The following NIPA1 variants were observed in gnomAD, a reference collection of about 807,000 sequenced individuals.
NIPA1 encodes the protein magnesium transporter NIPA1.
In NIPA1, 13 loss-of-function variants were observed where a neutral mutation model predicts 23.9. The ratio of observed to expected loss-of-function variants is 0.54; its 90% CI spans 0.35 to 0.87. The LOEUF (loss-of-function observed/expected upper bound fraction) is 0.87, where lower values mean the gene tolerates loss of function less well. Among genes scored for constraint, NIPA1 ranks in the 40% least tolerant of loss-of-function variants. The probability of loss-of-function intolerance (pLI) is 0.01; values close to 1 mark genes in which losing one functional copy is unlikely to be tolerated. For missense variants in NIPA1, 362 were observed against 429.7 expected (o/e 0.84, Z 1.39); for synonymous variants, 234 against 202.9 (o/e 1.15, Z -1.30).
Position 22,825,800 on chromosome 15 carries a change from A to T in NIPA1, c.*1561A>T, listed in dbSNP as rs1341604845. On this transcript the variant is annotated 3_prime_UTR_variant, in exon 5 of 5. Coordinates refer to ENST00000337435, the MANE Select transcript of NIPA1 (RefSeq NM_144599.5). Reference sequence around the variant, plus strand: ...AGAGCATCCTAGAGTTCCTCAGCTAACCTCTCATTATGTGTCTTAAATGCA... The same window carrying T: ...AGAGCATCCTAGAGTTCCTCAGCTATCCTCTCATTATGTGTCTTAAATGCA... 1 of 152,574 alleles carries T rather than the reference A, an allele frequency of 6.6e-6. No individual in the cohort carries two copies. The highest frequency in any genetic ancestry group is 1.5e-5 in the Non-Finnish European group (1 of 68,010). 9.5% of individuals were successfully genotyped at this position (152,574 alleles called of 1,614,324 possible). A position where few individuals can be genotyped will look rare whatever the true frequency, so the allele number is the denominator to read the frequency against.
At chr15:22,804,381 A>G (rs1363712490) in intron 1 of NIPA1, among the ~76,000 whole-genome samples, 4 of 152,084 alleles carry the variant, frequency 2.6e-5, no homozygotes, top group Non-Finnish European at 4.4e-5. Context: ...CCGGCCTCCT[A>G]AAGTGCTAGG....
intron 4 of NIPA1, among the ~76,000 whole-genome samples, chr15:22,822,923 T>G (rs12900199): frequency 0.025 from 1,754 of 70,832 alleles, 8 homozygotes; most frequent in South Asian, 0.058. Context: ...TTTTTTTTTT[T>G]TTTTTTTTTT....
intron 1 of NIPA1, among the ~76,000 whole-genome samples, chr15:22,805,848 A>T (rs1895195057): frequency 6.6e-6 from 1 of 152,188 alleles, no homozygotes; most frequent in Non-Finnish European, 1.5e-5. Context: ...TTGTGGAATA[A>T]TTAGAAGGTA....
At chr15:22,823,195 G>A (rs1895577483) in intron 4 of NIPA1, among the ~76,000 whole-genome samples, 1 of 147,862 alleles carries the variant, frequency 6.8e-6, no homozygotes, top group African/African-American at 2.5e-5. Flanking sequence ...ACAGGTGTGA[G>A]CCATTGTGCC....
rs1033859219 is a variant in NIPA1, at chr15:22,820,441, A to G, written c.446A>G (p.Gln149Arg). 10 of 1,613,316 alleles carry G rather than the reference A, an allele frequency of 6.2e-6. No individual in the cohort carries two copies. The highest frequency in any genetic ancestry group is 2.7e-5 in the African/African-American group (2 of 74,920). The change falls in exon 4 of 5, where the codon CAG (glutamine) becomes CGG (arginine). Residue 149 changes from glutamine to arginine, a missense_variant. Around this residue, in one of 2 missense-constraint regions of NIPA1, gnomAD observed 277 missense variants for 372.0 expected, o/e 0.74. Coordinates refer to ENST00000337435, the MANE Select transcript of NIPA1 (RefSeq NM_144599.5). ...HSPKSESVTT[Q>R]AELEEKLTNP... ...CCAAAGTCTGAGAGTGTGACAACTCAGGCTGAGCTGGAGGAAAAGCTGACC... is the reference window on the plus strand; with the variant it reads ...CCAAAGTCTGAGAGTGTGACAACTCGGGCTGAGCTGGAGGAAAAGCTGACC...
At chr15:22,811,832 G>T (rs1285475644) in intron 2 of NIPA1, among the ~76,000 whole-genome samples, 2 of 152,188 alleles carry the variant, frequency 1.3e-5, no homozygotes, top group African/African-American at 4.8e-5. Flanking sequence ...ACTAGAGGGT[G>T]CACAGGAAGT....
chr15:22,793,361 A>AAAAG (rs1439774097), intron 1 of NIPA1, among the ~76,000 whole-genome samples: 1 of 149,810 alleles, frequency 6.7e-6, no homozygotes, highest in Non-Finnish European at 1.5e-5. Context: ...GTGTCTCAAA[A>AAAAG]AAAAAAAAAA....
intron 4 of NIPA1, among the ~76,000 whole-genome samples, chr15:22,822,898 G>A (rs538638080): frequency 1.4e-5 from 2 of 147,212 alleles, no homozygotes; most frequent in Non-Finnish European, 3.0e-5. Context: ...ACATTTAGGA[G>A]CTGTAAATGG....
intron 1 of NIPA1, among the ~76,000 whole-genome samples, chr15:22,810,417 T>C (rs768833971): frequency 3.9e-5 from 6 of 152,166 alleles, no homozygotes; most frequent in Non-Finnish European, 1.5e-5. Context: ...CTTTAAAGAC[T>C]CAAACCCTTT....
chr15:22,817,372 G>A (rs2140872869), intron 3 of NIPA1, among the ~76,000 whole-genome samples: 1 of 151,254 alleles, frequency 6.6e-6, no homozygotes, highest in South Asian at 2.1e-4. Context: ...GGTGGCGCAT[G>A]CCTGTAATCC....
At chr15:22,793,913 T>C (rs1894887325) in intron 1 of NIPA1, among the ~76,000 whole-genome samples, 1 of 152,182 alleles carries the variant, frequency 6.6e-6, no homozygotes, top group African/African-American at 2.4e-5. Context: ...CTTTATTCTG[T>C]CCCATTGGTC....
chr15:22,788,296 T>C (rs1319559452), intron 1 of NIPA1, among the ~76,000 whole-genome samples: 1 of 148,200 alleles, frequency 6.7e-6, no homozygotes, highest in Non-Finnish European at 1.5e-5. Flanking sequence ...GGTCAGGAGA[T>C]CTAGACCATC....
intron 4 of NIPA1, among the ~76,000 whole-genome samples, chr15:22,823,160 C>G (rs1595647604): frequency 6.6e-6 from 1 of 151,224 alleles, no homozygotes; most frequent in Non-Finnish European, 1.5e-5. Context: ...ATCGGCCCAC[C>G]TCGGCCTCCC....
intron 3 of NIPA1, chr15:22,814,113 G>T: frequency 7.8e-7 from 1 of 1,274,604 alleles, no homozygotes; most frequent in Non-Finnish European, 1.0e-6. Flanking sequence ...CATGTCAGAT[G>T]GTGTTCTGGA....
At position 22,823,858 on chromosome 15, in the gene NIPA1, G is replaced by T; in HGVS notation, c.609G>T (p.Val203=). 1 of 1,614,130 alleles carries T rather than the reference G, an allele frequency of 6.2e-7. No homozygotes were observed. Among genetic ancestry groups the T allele is most frequent in the Non-Finnish European group, 8.5e-7 (1 of 1,179,964 alleles). ...SICSLLGSFT[V]PSTKGIGLAA... is the part of the protein sequence containing the mutation. ...GCTCCTTGCTGGGCAGTTTCACCGT[G>T]CCTTCCACCAAGGGCATCGGGCTGG... The change falls in exon 5 of 5, where the codon GTG becomes GTT. Residue 203 remains valine, a synonymous_variant. Coordinates refer to ENST00000337435, the MANE Select transcript of NIPA1 (RefSeq NM_144599.5).
chr15:22,810,675 G>A (rs1895299715), intron 1 of NIPA1, 74 bp from the exon 2 acceptor site: 8 of 872,262 alleles, frequency 9.2e-6, no homozygotes, highest in Middle Eastern at 2.2e-4. Flanking sequence ...AAAGTTTCTC[G>A]CTTGTAAACC....
chr15:22,823,649 G>C, intron 4 of NIPA1, 79 bp from the exon 5 acceptor site: 1 of 1,468,998 alleles, frequency 6.8e-7, no homozygotes, highest in Non-Finnish European at 9.2e-7. Flanking sequence ...GTGGGGGCCC[G>C]GGTGCTGCCC....
intron 1 of NIPA1, among the ~76,000 whole-genome samples, chr15:22,809,575 TCTCTA>T (rs1895278517): frequency 6.6e-6 from 1 of 151,700 alleles, no homozygotes; most frequent in Admixed American, 6.6e-5. Context: ...TGAAACCCCG[TCTCTA>T]CTAAAAATTC....
At chr15:22,795,611 C>T (rs1208463124) in intron 1 of NIPA1, among the ~76,000 whole-genome samples, 2 of 152,218 alleles carry the variant, frequency 1.3e-5, no homozygotes, top group Non-Finnish European at 2.9e-5. Context: ...CAGACCCCTT[C>T]CATGGTGTGT....
Sources: allele counts gnomAD v4.1 joint callset (sites outside exome capture counted in the v4.1 genomes callset), GRCh38; gene constraint gnomAD v4.1.1; regional missense constraint gnomAD v4.1.1; transcripts MANE v1.5; gene names NCBI Gene and HGNC (gene_info 2026-07-23, HGNC 2026-07-21).